The following FGF12 variants were observed in gnomAD, a reference collection of about 807,000 sequenced individuals.
FGF12 encodes fibroblast growth factor 12.
In FGF12, 14 loss-of-function variants were observed where a neutral mutation model predicts 23.6. The ratio of observed to expected loss-of-function variants is 0.59; its 90% CI spans 0.39 to 0.93. The LOEUF is 0.93. Among genes scored for constraint, FGF12 ranks in the 40% least tolerant of loss-of-function variants. The pLI is 0.00. For missense variants in FGF12, 175 were observed against 217.8 expected, an observed-to-expected ratio of 0.80 and a Z score of 1.24; for synonymous variants, 62 against 77.3, an observed-to-expected ratio of 0.80 and a Z score of 1.04.
chr3:192,366,634 T>A (rs1264599114), intron 2 of FGF12, among the ~76,000 whole-genome samples: 1 of 152,188 alleles, frequency 6.6e-6, no homozygotes, highest in Non-Finnish European at 1.5e-5. Context: ...CACTCCCTAG[T>A]ACTGTTCAGT....
In FGF12 at chr3:192,685,493, G is replaced by A. The variant is rs145234476; in HGVS notation, c.13+41688C>T. Among the ~76,000 whole-genome samples the A allele has an allele frequency of 3.3e-3, 503 of 152,312 alleles. 3 individuals carry two copies. The highest frequency in any genetic ancestry group is 0.012 in the African/African-American group (479 of 41,560). ...ATAAAAGATTTACACCCCAGTTCCT[G>A]TTCTCCAAGAGCTCGCAAAGCAGAA... is the stretch of plus-strand genomic sequence containing the variant. On this transcript the variant is annotated intron_variant, in intron 2 of 5. Coordinates refer to ENST00000445105, the MANE Select transcript of FGF12 (RefSeq NM_004113.6).
intron 2 of FGF12, among the ~76,000 whole-genome samples, chr3:192,625,670 T>C (rs879591380): frequency 1.3e-5 from 2 of 152,154 alleles, no homozygotes; most frequent in East Asian, 1.9e-4. Flanking sequence ...AAATAAACTT[T>C]TTTTAAAAAG....
intron 3 of FGF12, among the ~76,000 whole-genome samples, chr3:192,353,881 T>G (rs1718344742): frequency 6.6e-6 from 1 of 152,242 alleles, no homozygotes; most frequent in African/African-American, 2.4e-5. Flanking sequence ...AACAAATTTC[T>G]AACAAATTTA....
chr3:192,355,867 C>T (rs569763187), intron 3 of FGF12, among the ~76,000 whole-genome samples: 36 of 152,142 alleles, frequency 2.4e-4, no homozygotes, highest in African/African-American at 5.3e-4. Flanking sequence ...TTTTTGTTTT[C>T]GTCGTGTTCA....
intron 4 of FGF12, among the ~76,000 whole-genome samples, chr3:192,243,769 A>C (rs530835671): frequency 6.6e-6 from 1 of 152,212 alleles, no homozygotes; most frequent in Admixed American, 6.5e-5. Context: ...GAAAATGCAA[A>C]AATTTTTGTA....
At chr3:192,557,059 C>T (rs966108924) in intron 2 of FGF12, among the ~76,000 whole-genome samples, 2 of 151,320 alleles carry the variant, frequency 1.3e-5, no homozygotes, top group African/African-American at 4.9e-5. Context: ...TCAAAAGCAG[C>T]CGTAAGAGGG....
intron 2 of FGF12, among the ~76,000 whole-genome samples, chr3:192,596,626 C>T (rs1024361331): frequency 6.6e-6 from 1 of 152,058 alleles, no homozygotes; most frequent in Non-Finnish European, 1.5e-5. Flanking sequence ...TCTTGCTCAC[C>T]AGGATTATTT....
At chr3:192,371,013 G>A (rs1198064304) in intron 2 of FGF12, among the ~76,000 whole-genome samples, 1 of 152,150 alleles carries the variant, frequency 6.6e-6, no homozygotes, top group African/African-American at 2.4e-5. Context: ...CTCTGTTCAT[G>A]GAGGGGAGTT....
chr3:192,563,416 A>G (rs1712134168), intron 2 of FGF12, among the ~76,000 whole-genome samples: 3 of 152,170 alleles, frequency 2.0e-5, no homozygotes, highest in African/African-American at 7.2e-5. Flanking sequence ...GAAGACTTGC[A>G]CACACAATCC....
intron 2 of FGF12, among the ~76,000 whole-genome samples, chr3:192,696,937 G>T (rs7626933): frequency 0.032 from 4,925 of 151,984 alleles, 282 homozygotes; most frequent in African/African-American, 0.11. Context: ...GTGATTTTAT[G>T]ATTAGCAATA....
chr3:192,342,178 A>G (rs545658367), intron 3 of FGF12, among the ~76,000 whole-genome samples: 2 of 152,334 alleles, frequency 1.3e-5, no homozygotes, highest in East Asian at 3.9e-4. Flanking sequence ...CTGTTATTCA[A>G]TATCTGCTGA....
At chr3:192,575,195 CAAAG>C (rs772856065) in intron 2 of FGF12, among the ~76,000 whole-genome samples, 4 of 151,986 alleles carry the variant, frequency 2.6e-5, no homozygotes, top group Non-Finnish European at 5.9e-5. Flanking sequence ...GGAGAGGAGG[CAAAG>C]AGAGAAAGAG....
intron 3 of FGF12, among the ~76,000 whole-genome samples, chr3:192,342,483 C>T (rs945438916): frequency 6.6e-6 from 1 of 152,000 alleles, no homozygotes. Context: ...TATTAAACAT[C>T]TTGTCAGCAA....
intron 4 of FGF12, among the ~76,000 whole-genome samples, chr3:192,257,820 T>C (rs567058995): frequency 3.3e-5 from 5 of 152,134 alleles, no homozygotes; most frequent in Non-Finnish European, 5.9e-5. Context: ...TTACACTTTA[T>C]ACAAGATTAG....
At chr3:192,596,988 A>T (rs1713884729) in intron 2 of FGF12, among the ~76,000 whole-genome samples, 1 of 152,204 alleles carries the variant, frequency 6.6e-6, no homozygotes, top group African/African-American at 2.4e-5. Context: ...CCTTGAAAAA[A>T]TTCACCTTAA....
chr3:192,181,178 G>C (rs1313107609), intron 4 of FGF12, among the ~76,000 whole-genome samples: 2 of 152,118 alleles, frequency 1.3e-5, no homozygotes, highest in Non-Finnish European at 2.9e-5. Context: ...TGTAGGGCTA[G>C]GATATGATAA....
chr3:192,670,891 G>C (rs1399792320), intron 2 of FGF12, among the ~76,000 whole-genome samples: 1 of 152,176 alleles, frequency 6.6e-6, no homozygotes, highest in African/African-American at 2.4e-5. Flanking sequence ...TTGCAAAGGT[G>C]AGTAGATGTT....
At chr3:192,537,639 T>G (rs1208804162) in intron 2 of FGF12, among the ~76,000 whole-genome samples, 1 of 152,204 alleles carries the variant, frequency 6.6e-6, no homozygotes, top group Non-Finnish European at 1.5e-5. Context: ...TTATTCAGAT[T>G]AATGGATTTT....
intron 5 of FGF12, among the ~76,000 whole-genome samples, chr3:192,159,281 C>T (rs961230037): frequency 2.0e-5 from 3 of 152,166 alleles, no homozygotes; most frequent in Non-Finnish European, 4.4e-5. Flanking sequence ...GATCAATTCT[C>T]ATTTAGCAGC....
Sources: allele counts gnomAD v4.1 joint callset (sites outside exome capture counted in the v4.1 genomes callset), GRCh38; gene constraint gnomAD v4.1.1; transcripts MANE v1.5; gene names NCBI Gene and HGNC (gene_info 2026-07-23, HGNC 2026-07-21).